Variants in ASH1L observed in about 807,000 individuals in gnomAD.
ASH1L encodes histone-lysine N-methyltransferase ASH1L.
Under a neutral mutation model 269.0 loss-of-function variants are expected in ASH1L, and 23 were observed. The observed-to-expected ratio is 0.09, with a 90% CI of 0.06 to 0.12. The LOEUF is 0.12. Ranked by LOEUF, ASH1L falls within the 10% of genes least tolerant of loss-of-function variation. The pLI is 1.00. For missense variants in ASH1L, 2,912 were observed against 3,567.8 expected (o/e 0.82, Z 4.68); for synonymous variants, 1,187 against 1,253.5 (o/e 0.95, Z 1.12).
chr1:155,414,317 CT>C (rs113118804), intron 6 of ASH1L, among the ~76,000 whole-genome samples: 58 of 148,926 alleles, frequency 3.9e-4, no homozygotes, highest in Non-Finnish European at 6.7e-4. Context: ...AAAAAAATTT[CT>C]TTTTTTTTTG....
intron 7 of ASH1L, among the ~76,000 whole-genome samples, chr1:155,382,877 C>T (rs1191135017): frequency 6.6e-6 from 1 of 152,126 alleles, no homozygotes; most frequent in East Asian, 1.9e-4. Context: ...AGGCATGTGC[C>T]ACCATGCCTG....
chr1:155,556,861 T>C (rs568577062), intron 1 of ASH1L, among the ~76,000 whole-genome samples: 39 of 152,136 alleles, frequency 2.6e-4, no homozygotes, highest in Non-Finnish European at 1.5e-5. Flanking sequence ...GGCAACACGG[T>C]GAGACTCCAT....
chr1:155,411,578 A>ATATATATATATATATATATATATATAT (rs1558075462), intron 6 of ASH1L, among the ~76,000 whole-genome samples: 1 of 21,128 alleles, frequency 4.7e-5, no homozygotes, highest in Non-Finnish European at 1.0e-4. Context: ...AATATAAATA[A>ATATATATATATATATATATATATATAT]ATAAATAAAT....
At chr1:155,489,553 G>A (rs775925188) in intron 2 of ASH1L, among the ~76,000 whole-genome samples, 1 of 151,492 alleles carries the variant, frequency 6.6e-6, no homozygotes, top group Non-Finnish European at 1.5e-5. Flanking sequence ...GGTGGATCAC[G>A]AGGTCAGGAG....
intron 4 of ASH1L, among the ~76,000 whole-genome samples, chr1:155,440,085 G>A (rs577210632): frequency 3.9e-5 from 6 of 152,168 alleles, no homozygotes; most frequent in East Asian, 3.9e-4. Flanking sequence ...CGAGGTGGAA[G>A]GATCACTTGA....
At chr1:155,545,889 G>A (rs940652575) in intron 1 of ASH1L, among the ~76,000 whole-genome samples, 1 of 151,968 alleles carries the variant, frequency 6.6e-6, no homozygotes, top group Admixed American at 6.6e-5. Context: ...GGATGCAGTG[G>A]CTCAAGACTG....
intron 1 of ASH1L, among the ~76,000 whole-genome samples, chr1:155,543,844 G>C (rs1670613568): frequency 6.6e-6 from 1 of 151,994 alleles, no homozygotes; most frequent in Non-Finnish European, 1.5e-5. Context: ...TGAGGTAGAA[G>C]AATCAATTGA....
chr1:155,388,501 T>A (rs1419608161), intron 7 of ASH1L, among the ~76,000 whole-genome samples: 1 of 151,980 alleles, frequency 6.6e-6, no homozygotes, highest in African/African-American at 2.4e-5. Flanking sequence ...GGGTTTTCAT[T>A]ATGTTGTCCA....
chr1:155,406,736 A>C (rs1659324798), intron 6 of ASH1L, among the ~76,000 whole-genome samples: 1 of 152,146 alleles, frequency 6.6e-6, no homozygotes, highest in Admixed American at 6.6e-5. Context: ...ATAGTAATCA[A>C]CACAGTGTTT....
intron 1 of ASH1L, among the ~76,000 whole-genome samples, chr1:155,532,436 A>T (rs1014192677): frequency 1.1e-4 from 17 of 152,220 alleles, no homozygotes; most frequent in African/African-American, 4.1e-4. Flanking sequence ...CAAAATGAAG[A>T]CCTCTATCCA....
At chr1:155,532,542 C>A (rs1370537659) in intron 1 of ASH1L, among the ~76,000 whole-genome samples, 1 of 152,060 alleles carries the variant, frequency 6.6e-6, no homozygotes, top group Admixed American at 6.6e-5. Context: ...GTGGTCTGGG[C>A]TGGGCGTGGT....
intron 15 of ASH1L, among the ~76,000 whole-genome samples, chr1:155,355,110 C>G (rs1035723230): frequency 2.6e-5 from 4 of 152,164 alleles, no homozygotes; most frequent in Admixed American, 2.6e-4. Context: ...GGCTGGAGTA[C>G]AGTGGCATGA....
At position 155,357,365 on chromosome 1, in the gene ASH1L, T is replaced by C. The variant is rs887197165; in HGVS notation, c.7006A>G (p.Thr2336Ala). 1.2e-6 allele frequency: 2 copies of C among 1,613,846 alleles called. No homozygotes were observed. The highest frequency in any genetic ancestry group is 2.7e-5 in the African/African-American group (2 of 74,892). ...EEPSENINTP[T>A]RLTPQLQMKP... ...ATCTGTAATTGGGGGGTCAATCTAG[T>C]TGGGGTGTTGATATTTTCACTGGGT... The change falls in exon 15 of 28, where the codon ACT becomes GCT. Residue 2336 changes from threonine to alanine, a missense_variant. This residue lies in a region of ASH1L where 309 missense variants were observed against 435.1 expected (regional missense o/e 0.71). Transcript: ENST00000392403.
intron 4 of ASH1L, among the ~76,000 whole-genome samples, chr1:155,444,709 G>A (rs1023086555): frequency 4.0e-5 from 6 of 151,636 alleles, no homozygotes; most frequent in South Asian, 2.1e-4. Context: ...TCCACCTCCC[G>A]GGGTTCACGG....
Position 155,521,273 on chromosome 1 carries a change from C to T in ASH1L, c.247G>A (p.Gly83Arg). 1 of 1,614,094 alleles carries T rather than the reference C, an allele frequency of 6.2e-7. No individual in the cohort carries two copies. The highest frequency in any genetic ancestry group is 8.5e-7 in the Non-Finnish European group (1 of 1,180,020). The change falls in exon 2 of 28, where the codon GGA becomes AGA. Residue 83 changes from glycine (G) to arginine (R), a missense_variant. Gly to Arg is a moderately radical substitution (Grantham distance 125). Coordinates refer to ENST00000392403, the MANE Select transcript of ASH1L (RefSeq NM_018489.3). ...FSVKETNFSE[G>R]NLKLKIGLQA... ...AGGCCAATTTTCAATTTTAAATTTC[C>T]CTCTGAAAAGTTTGTTTCTTTCACT...
At chr1:155,556,400 A>G (rs1173404315) in intron 1 of ASH1L, among the ~76,000 whole-genome samples, 29 of 104,016 alleles carry the variant, frequency 2.8e-4, no homozygotes, top group African/African-American at 9.3e-4. Flanking sequence ...ACATATATAT[A>G]CGTGTGTGTG....
At chr1:155,423,475 C>T (rs749244310) in intron 5 of ASH1L, among the ~76,000 whole-genome samples, 11 of 151,904 alleles carry the variant, frequency 7.2e-5, no homozygotes, top group Non-Finnish European at 1.5e-4. Context: ...AGGCTGACGT[C>T]GGGGAATTGC....
chr1:155,350,928 AAAAG>A (rs1653853796), intron 17 of ASH1L, among the ~76,000 whole-genome samples: 3 of 147,756 alleles, frequency 2.0e-5, no homozygotes, highest in African/African-American at 7.7e-5. Context: ...CCTAAAAAAA[AAAAG>A]AAAAAGAAAA....
intron 2 of ASH1L, among the ~76,000 whole-genome samples, chr1:155,501,005 A>C (rs1226882395): frequency 6.6e-6 from 1 of 152,124 alleles, no homozygotes; most frequent in Non-Finnish European, 1.5e-5. Context: ...AAAAGAGCTA[A>C]GGAGCCTAAA....
Sources: allele counts gnomAD v4.1 joint callset (sites outside exome capture counted in the v4.1 genomes callset), GRCh38; gene constraint gnomAD v4.1.1; regional missense constraint gnomAD v4.1.1; transcripts MANE v1.5; gene names NCBI Gene and HGNC (gene_info 2026-07-23, HGNC 2026-07-21).